The following ARID1B variants were observed in gnomAD, a reference collection of about 807,000 sequenced individuals.
ARID1B encodes AT-rich interaction domain 1B, also known as AT-rich interactive domain-containing protein 1B.
ARID1B carries 30 observed loss-of-function variants against 212.3 expected under a neutral mutation model. The ratio of observed to expected loss-of-function variants is 0.14; its 90% CI spans 0.11 to 0.19. The LOEUF is 0.19. Among genes scored for constraint, ARID1B ranks in the 10% least tolerant of loss-of-function variants. The pLI is 1.00. For missense variants in ARID1B, 2,891 were observed against 3,204.0 expected (o/e 0.90, Z 2.36); for synonymous variants, 1,402 against 1,301.7 (o/e 1.08, Z -1.66).
At chr6:156,818,098 A>ATT (rs71027317) in intron 1 of ARID1B, among the ~76,000 whole-genome samples, 1,653 of 61,316 alleles carry the variant, frequency 0.027, 252 homozygotes, top group African/African-American at 0.031. Context: ...TAGTTGCCCT[A>ATT]TTTTTTTTTT....
chr6:156,849,385 A>G (rs1432079038), intron 2 of ARID1B, among the ~76,000 whole-genome samples: 2 of 152,200 alleles, frequency 1.3e-5, no homozygotes, highest in Non-Finnish European at 2.9e-5. Flanking sequence ...ATTGGTAAGG[A>G]ATTTGGTAAA....
At chr6:156,826,532 T>A (rs1782752222) in intron 1 of ARID1B, among the ~76,000 whole-genome samples, 1 of 152,156 alleles carries the variant, frequency 6.6e-6, no homozygotes, top group African/African-American at 2.4e-5. Context: ...ACCAAATCTT[T>A]AAAGTGAACA....
rs1794604989 is a variant in ARID1B at position 157,208,213 on chromosome 6, G to T, written c.*322G>T. 2.3e-5 allele frequency: 6 copies of T among 262,644 alleles called. No individual in the cohort carries two copies. The South Asian group carries it at 8.7e-4, about 38-fold the overall frequency. 16.3% of individuals were successfully genotyped at this position (262,644 alleles called of 1,614,324 possible). Reference sequence around the variant, plus strand: ...TTAATGTTCTTTCCCATGTTGTATTGCATTTTTGGGGGAAGCAAATTGACT... The same window carrying T: ...TTAATGTTCTTTCCCATGTTGTATTTCATTTTTGGGGGAAGCAAATTGACT... On this transcript the variant is annotated 3_prime_UTR_variant, in exon 20 of 20. Coordinates refer to ENST00000636930, the MANE Select transcript of ARID1B (RefSeq NM_001374828.1).
chr6:157,004,871 C>CT (rs982328022), intron 4 of ARID1B, among the ~76,000 whole-genome samples: 1 of 87,216 alleles, frequency 1.1e-5, no homozygotes, highest in Non-Finnish European at 2.6e-5. Context: ...AGTGGCATTT[C>CT]TTTTTTCTTT....
chr6:156,845,887 T>A (rs1356636133), intron 2 of ARID1B, among the ~76,000 whole-genome samples: 2 of 152,324 alleles, frequency 1.3e-5, no homozygotes, highest in East Asian at 3.9e-4. Flanking sequence ...ACTTTTTTTC[T>A]ATCCTCCTTT....
chr6:156,991,432 A>G (rs2128405886), intron 4 of ARID1B, among the ~76,000 whole-genome samples: 1 of 152,060 alleles, frequency 6.6e-6, no homozygotes. Flanking sequence ...GGGTTTCACC[A>G]TGTTGGCCAG....
chr6:157,085,206 G>T (rs974193374), intron 5 of ARID1B, among the ~76,000 whole-genome samples: 2 of 152,174 alleles, frequency 1.3e-5, no homozygotes, highest in African/African-American at 4.8e-5. Context: ...TAATGATTCT[G>T]TTACATCAGA....
At chr6:157,199,650 G>A (rs1232663136) in intron 17 of ARID1B, among the ~76,000 whole-genome samples, 1 of 150,920 alleles carries the variant, frequency 6.6e-6, no homozygotes, top group Non-Finnish European at 1.5e-5. Context: ...TAATTTTGCT[G>A]GAGCATATAG....
chr6:157,049,220 T>C (rs1396573230), intron 4 of ARID1B, among the ~76,000 whole-genome samples: 9 of 151,154 alleles, frequency 6.0e-5, no homozygotes, highest in African/African-American at 2.2e-4. Context: ...TGCTGCTCAC[T>C]GTGCCCAGCA....
intron 1 of ARID1B, among the ~76,000 whole-genome samples, chr6:156,827,133 ACTTCT>A (rs1366476008): frequency 6.6e-6 from 1 of 152,010 alleles, no homozygotes; most frequent in Admixed American, 6.6e-5. Context: ...CTCTCTGCTG[ACTTCT>A]CTACCTATTT....
chr6:156,921,223 A>G (rs1790758356), intron 3 of ARID1B, among the ~76,000 whole-genome samples: 1 of 152,158 alleles, frequency 6.6e-6, no homozygotes, highest in Non-Finnish European at 1.5e-5. Context: ...GGATGAATAT[A>G]TAGCTTGCCC....
Position 156,799,172 on chromosome 6 carries a change from T to TGAATAATTAGTAATATA in ARID1B, c.1791+19710_1791+19711insGTAATATAGAATAATTA, listed in dbSNP as rs1554252266. Among the ~76,000 whole-genome samples the TGAATAATTAGTAATATA allele has an allele frequency of 2.1e-3, 313 of 151,888 alleles. 1 individual carries two copies. Among genetic ancestry groups the TGAATAATTAGTAATATA allele is most frequent in the Non-Finnish European group, 3.8e-3 (258 of 67,926 alleles). ...GCTGTTGTAGTGAAATACTAAGTAT[T>TGAATAATTAGTAATATA]GAATAATTAATAATATAAAATAATT... On this transcript the variant is annotated intron_variant, in intron 1 of 19. Coordinates refer to ENST00000636930, the MANE Select transcript of ARID1B (RefSeq NM_001374828.1).
chr6:156,998,033 C>T (rs1016486217), intron 4 of ARID1B, among the ~76,000 whole-genome samples: 2 of 152,160 alleles, frequency 1.3e-5, no homozygotes, highest in African/African-American at 4.8e-5. Context: ...AGAGGAACCT[C>T]GTCATCGTGA....
intron 1 of ARID1B, among the ~76,000 whole-genome samples, chr6:156,811,600 G>T (rs1781555867): frequency 6.6e-6 from 1 of 152,178 alleles, no homozygotes; most frequent in Non-Finnish European, 1.5e-5. Flanking sequence ...GTCTTTCTGA[G>T]CATGTGCAGG....
chr6:156,970,319 G>A (rs1776841981), intron 4 of ARID1B, among the ~76,000 whole-genome samples: 1 of 152,122 alleles, frequency 6.6e-6, no homozygotes, highest in Non-Finnish European at 1.5e-5. Context: ...CTGACCTCAA[G>A]TGATCCACCT....
At chr6:157,027,528 G>A (rs1780737302) in intron 4 of ARID1B, among the ~76,000 whole-genome samples, 1 of 152,216 alleles carries the variant, frequency 6.6e-6, no homozygotes, top group Non-Finnish European at 1.5e-5. Context: ...AGAGTTGGGG[G>A]CAGGAACGTT....
At chr6:156,799,122 A>T (rs545822479) in intron 1 of ARID1B, among the ~76,000 whole-genome samples, 25 of 152,318 alleles carry the variant, frequency 1.6e-4, no homozygotes, top group Non-Finnish European at 4.4e-5. Context: ...GATATGTGGA[A>T]CCTCAAAGGG....
chr6:156,948,767 C>T (rs1583011808), intron 4 of ARID1B, among the ~76,000 whole-genome samples: 1 of 152,278 alleles, frequency 6.6e-6, no homozygotes, highest in Admixed American at 6.5e-5. Flanking sequence ...TCTGTTCTTT[C>T]CCATAACACA....
intron 15 of ARID1B, chr6:157,193,606 C>G (rs879083734): frequency 6.6e-6 from 1 of 152,210 alleles, no homozygotes; most frequent in Admixed American, 6.5e-5. Context: ...CATCCCCAGG[C>G]TCTACTGGGA....
Sources: allele counts gnomAD v4.1 joint callset (sites outside exome capture counted in the v4.1 genomes callset), GRCh38; gene constraint gnomAD v4.1.1; transcripts MANE v1.5; gene names NCBI Gene and HGNC (gene_info 2026-07-23, HGNC 2026-07-21).